Variants in CNOT6 observed in about 807,000 individuals in gnomAD.
CNOT6 encodes CCR4-NOT transcription complex subunit 6, also known as carbon catabolite repression 4 protein.
In CNOT6, 12 loss-of-function variants were observed where a neutral mutation model predicts 61.2. The ratio of observed to expected loss-of-function variants is 0.20; its 90% CI spans 0.13 to 0.32. CNOT6 has a LOEUF of 0.32. Ranked by LOEUF, CNOT6 falls within the 10% of genes least tolerant of loss-of-function variation. The probability of loss-of-function intolerance (pLI) is 1.00; values close to 1 mark genes in which losing one functional copy is unlikely to be tolerated. For synonymous variants in CNOT6, 225 were observed against 240.6 expected, an observed-to-expected ratio of 0.94 and a Z score of 0.60; for missense variants, 405 against 663.9, an observed-to-expected ratio of 0.61 and a Z score of 4.28.
rs1491215146 is a variant in CNOT6 at position 180,538,715 on chromosome 5, T to TATATATATATATATAC, written c.112+9328_112+9329insTATATATATATATACA. Among the ~76,000 whole-genome samples the TATATATATATATATAC allele has an allele frequency of 3.6e-5, 5 of 138,358 alleles. No individual in the cohort carries two copies. The East Asian group carries it at 6.4e-4, about 18-fold the overall frequency. 90.8% of individuals were successfully genotyped at this position (138,358 alleles called of 152,430 possible). A position where few individuals can be genotyped will look rare whatever the true frequency, so the allele number is the denominator to read the frequency against. On this transcript the variant is annotated intron_variant, in intron 2 of 11. Transcript: ENST00000261951. ...ATATATATATATATATATATATATATACAAAAAAATTAGCCAGGTGTGGTA... is the reference window on the plus strand; with the variant it reads ...ATATATATATATATATATATATATATATATATATATATATACACAAAAAAATTAGCCAGGTGTGGTA...
intron 2 of CNOT6, among the ~76,000 whole-genome samples, chr5:180,546,062 A>G (rs1457602195): frequency 6.6e-6 from 1 of 151,106 alleles, no homozygotes; most frequent in East Asian, 1.9e-4. Flanking sequence ...TGCTTGGCTA[A>G]TTTTGTATTT....
chr5:180,549,459 T>C (rs959009951), intron 2 of CNOT6, among the ~76,000 whole-genome samples: 11 of 152,068 alleles, frequency 7.2e-5, no homozygotes, highest in Non-Finnish European at 8.8e-5. Context: ...ACCATCCTTG[T>C]TAACACCGTG....
At chr5:180,503,284 T>TG (rs1479538652) in intron 1 of CNOT6, among the ~76,000 whole-genome samples, 1 of 147,516 alleles carries the variant, frequency 6.8e-6, no homozygotes, top group African/African-American at 2.5e-5. Flanking sequence ...TTTTTTGAGA[T>TG]GGAGTTTTCA....
chr5:180,508,908 C>G (rs1757257899), intron 1 of CNOT6, among the ~76,000 whole-genome samples: 1 of 151,248 alleles, frequency 6.6e-6, no homozygotes, highest in African/African-American at 2.4e-5. Flanking sequence ...CTGCAACTCT[C>G]ACCTCCCGGG....
At chr5:180,525,138 T>C (rs1021382995) in intron 1 of CNOT6, among the ~76,000 whole-genome samples, 1 of 152,228 alleles carries the variant, frequency 6.6e-6, no homozygotes, top group Admixed American at 6.5e-5. Context: ...GAAACTAACG[T>C]ATAAGACCAG....
chr5:180,495,999 G>A (rs779459173), intron 1 of CNOT6, among the ~76,000 whole-genome samples: 1 of 152,092 alleles, frequency 6.6e-6, no homozygotes, highest in African/African-American at 2.4e-5. Context: ...TGCAGCCTTC[G>A]CCTCCTGGGT....
intron 3 of CNOT6, among the ~76,000 whole-genome samples, chr5:180,551,425 T>A (rs539104849): frequency 6.6e-6 from 1 of 152,158 alleles, no homozygotes. Context: ...TTGATAGAGA[T>A]GAGGGTCTCA....
At chr5:180,568,090 C>T in intron 9 of CNOT6, 87 bp downstream of exon 9, 1 of 1,374,662 alleles carries the variant, frequency 7.3e-7, no homozygotes, top group Non-Finnish European at 9.8e-7. Context: ...ATTGTGTATT[C>T]ATGGTCTTGT....
At chr5:180,510,075 C>G (rs1757314975) in intron 1 of CNOT6, among the ~76,000 whole-genome samples, 1 of 140,088 alleles carries the variant, frequency 7.1e-6, no homozygotes, top group Admixed American at 7.6e-5. Context: ...CAAGGAAAGA[C>G]TAATGATAGA....
At chr5:180,552,275 G>T (rs1581545865) in intron 3 of CNOT6, among the ~76,000 whole-genome samples, 1 of 152,058 alleles carries the variant, frequency 6.6e-6, no homozygotes, top group African/African-American at 2.4e-5. Context: ...CTTCTGGCTT[G>T]CTCAGTAACC....
At chr5:180,536,405 TATC>T (rs761819964) in intron 2 of CNOT6, among the ~76,000 whole-genome samples, 21 of 152,240 alleles carry the variant, frequency 1.4e-4, no homozygotes, top group Non-Finnish European at 2.2e-4. Flanking sequence ...TAGTGTTAAT[TATC>T]ATTATTATTA....
chr5:180,497,381 A>G (rs532381762), intron 1 of CNOT6, among the ~76,000 whole-genome samples: 14 of 152,128 alleles, frequency 9.2e-5, no homozygotes, highest in East Asian at 7.7e-4. Context: ...TCCAGTACCT[A>G]TATTTGCCTT....
At chr5:180,518,721 G>A (rs905182655) in intron 1 of CNOT6, among the ~76,000 whole-genome samples, 8 of 152,150 alleles carry the variant, frequency 5.3e-5, no homozygotes, top group Non-Finnish European at 1.2e-4. Flanking sequence ...GGCTGGTCTC[G>A]AACTTCTGAG....
intron 3 of CNOT6, among the ~76,000 whole-genome samples, chr5:180,553,177 T>G (rs1179998094): frequency 6.6e-6 from 1 of 152,198 alleles, no homozygotes; most frequent in East Asian, 1.9e-4. Flanking sequence ...CCCCATTATT[T>G]CATTTTCTCT....
rs1761035530 is a variant in CNOT6, at chr5:180,577,077, T to C, written c.*2877T>C. 6.6e-6 allele frequency: 1 copy of C among 152,534 alleles called. No individual in the cohort carries two copies. The highest frequency in any genetic ancestry group is 2.4e-5 in the African/African-American group (1 of 41,414). The allele number at this position is 152,534 out of a possible 1,614,324, so 9.4% of individuals were successfully genotyped here. A position where few individuals can be genotyped will look rare whatever the true frequency, so the allele number is the denominator to read the frequency against. On this transcript the variant is annotated 3_prime_UTR_variant, in exon 12 of 12. Coordinates refer to ENST00000261951, the MANE Select transcript of CNOT6 (RefSeq NM_001370472.1). Reference sequence around the variant, plus strand: ...CAATATTGTTCGTCAAGTTAACTTATGGCATAATTTAAGCTAAAGTTGTAG... The same window carrying C: ...CAATATTGTTCGTCAAGTTAACTTACGGCATAATTTAAGCTAAAGTTGTAG...
intron 1 of CNOT6, among the ~76,000 whole-genome samples, chr5:180,513,057 C>T (rs1415737064): frequency 1.3e-5 from 2 of 151,916 alleles, no homozygotes; most frequent in African/African-American, 2.4e-5. Flanking sequence ...CACCAATGCC[C>T]GGATAATTTT....
chr5:180,540,061 T>TC (rs1758954740), intron 2 of CNOT6, among the ~76,000 whole-genome samples: 1 of 152,140 alleles, frequency 6.6e-6, no homozygotes, highest in South Asian at 2.1e-4. Flanking sequence ...TCTTTTTCCT[T>TC]CATCTTTTTT....
chr5:180,565,455 G>C (rs1474323254), intron 6 of CNOT6, among the ~76,000 whole-genome samples: 1 of 152,188 alleles, frequency 6.6e-6, no homozygotes, highest in East Asian at 1.9e-4. Flanking sequence ...GCCTATTAAG[G>C]ATACTACCTA....
At chr5:180,518,914 T>C (rs1014168193) in intron 1 of CNOT6, among the ~76,000 whole-genome samples, 2 of 152,254 alleles carry the variant, frequency 1.3e-5, no homozygotes, top group African/African-American at 4.8e-5. Context: ...GTTCTTGCCA[T>C]GTTGCCCAGG....
Sources: allele counts gnomAD v4.1 joint callset (sites outside exome capture counted in the v4.1 genomes callset), GRCh38; gene constraint gnomAD v4.1.1; transcripts MANE v1.5; gene names NCBI Gene and HGNC (gene_info 2026-07-23, HGNC 2026-07-21).